Variants in USP6NL observed in about 807,000 individuals in gnomAD.
The protein encoded by USP6NL is USP6 N-terminal-like protein.
A neutral mutation model predicts 61.9 loss-of-function variants in USP6NL; 26 were observed. The ratio of observed to expected loss-of-function variants is 0.42; its 90% confidence interval spans 0.31 to 0.58. The LOEUF (loss-of-function observed/expected upper bound fraction) is 0.58, where lower values mean the gene tolerates loss of function less well. Among genes scored for constraint, USP6NL ranks in the 20% least tolerant of loss-of-function variants. USP6NL has a pLI of 0.16. For synonymous variants in USP6NL, 432 were observed against 390.1 expected, an observed-to-expected ratio of 1.11 and a Z score of -1.27; for missense variants, 1,114 against 1,034.3, an observed-to-expected ratio of 1.08 and a Z score of -1.06.
intron 14 of USP6NL, among the ~76,000 whole-genome samples, chr10:11,473,165 G>T (rs1323932447): frequency 1.3e-5 from 2 of 152,162 alleles, no homozygotes; most frequent in Non-Finnish European, 2.9e-5. Flanking sequence ...ACTGCCTCAG[G>T]CTAACCTTTT....
chr10:11,509,887 G>C (rs1408279584), intron 5 of USP6NL, among the ~76,000 whole-genome samples: 3 of 152,006 alleles, frequency 2.0e-5, no homozygotes, highest in Admixed American at 6.5e-5. Flanking sequence ...CTCTCTCTAG[G>C]TAAAAAGATA....
intron 2 of USP6NL, among the ~76,000 whole-genome samples, chr10:11,555,797 T>C (rs1176173324): frequency 6.6e-6 from 1 of 152,058 alleles, no homozygotes; most frequent in Admixed American, 6.5e-5. Context: ...TGGGCAGCAA[T>C]AAGATCAACT....
Position 11,494,405 on chromosome 10 carries a change from T to G in USP6NL, c.385-1177A>C, listed in dbSNP as rs563469501. ...GCTCTCAGACATCTTCAACAATTCA[T>G]TTGTCAACTTCTTCATCTTCCCTTC... On this transcript the variant is annotated intron_variant, in intron 7 of 14. Coordinates refer to ENST00000609104, the MANE Select transcript of USP6NL (RefSeq NM_014688.5). Among the ~76,000 whole-genome samples, 53 of 152,318 alleles carry G rather than the reference T, an allele frequency of 3.5e-4. 1 individual carries two copies. In the South Asian group the frequency reaches 0.011, roughly 30 times the overall value.
Position 11,518,637 on chromosome 10 carries a change from T to C in USP6NL, c.156-63A>G. On this transcript the variant is annotated intron_variant, in intron 4 of 14. Transcript: ENST00000609104. The surrounding 1 kb of genome is among the most constrained non-coding windows in gnomAD (Gnocchi z 5.3). ...ATCAAAACAAACTTTTAAAAGCTTA[T>C]ATACTTATAGATACATATGACATAC... 3.2e-6 allele frequency: 4 copies of C among 1,260,180 alleles called. No homozygotes were observed. The East Asian group carries it at 7.0e-5, about 22-fold the overall frequency. 78.1% of individuals were successfully genotyped at this position (1,260,180 alleles called of 1,614,324 possible).
At chr10:11,530,994 C>CT (rs1274679931) in intron 2 of USP6NL, among the ~76,000 whole-genome samples, 1 of 152,252 alleles carries the variant, frequency 6.6e-6, no homozygotes, top group Non-Finnish European at 1.5e-5. Context: ...TGTCTTGTGT[C>CT]TGTGTGCACA....
At position 11,470,279 on chromosome 10, in the gene USP6NL, G is replaced by A. The variant is rs547360577; in HGVS notation, c.1079-6430C>T. Reference sequence around the variant, plus strand: ...CCGCAGGGAACCTCATGGAGGGCCCGCGGGGACTCGCTGGCTTTTCACAGC... The same window carrying A: ...CCGCAGGGAACCTCATGGAGGGCCCACGGGGACTCGCTGGCTTTTCACAGC... On this transcript the variant is annotated intron_variant, in intron 14 of 14. Transcript: ENST00000609104. This position sits in a 1 kb window ranked among gnomAD's most constrained non-coding sequence, Gnocchi z 5.4. Among the ~76,000 whole-genome samples, 11 of 152,300 alleles carry A rather than the reference G, an allele frequency of 7.2e-5. No individual in the cohort carries two copies. The highest frequency in any genetic ancestry group is 1.9e-4 in the East Asian group (1 of 5,186).
At chr10:11,579,605 G>A (rs1384004963) in intron 2 of USP6NL, among the ~76,000 whole-genome samples, 1 of 152,092 alleles carries the variant, frequency 6.6e-6, no homozygotes, top group Admixed American at 6.6e-5. Context: ...TCTCCTTAAA[G>A]AGGTCTTCCC....
rs566529685 is a variant in USP6NL, at chr10:11,482,759, G to A, written c.926-837C>T. Among the ~76,000 whole-genome samples the A allele has an allele frequency of 4.0e-5, 6 of 151,776 alleles. No homozygotes were observed. The highest frequency in any genetic ancestry group is 1.9e-4 in the East Asian group (1 of 5,170). On this transcript the variant is annotated intron_variant, in intron 13 of 14. Transcript: ENST00000609104. The surrounding 1 kb of genome is among the most constrained non-coding windows in gnomAD (Gnocchi z 4.0). ...TGTGTGATGAACCTCCAGTAACAAC[G>A]TATTTTTAAGACAATCAGTAAGAAA...
chr10:11,539,928 TTAAG>T (rs1266406062), intron 2 of USP6NL, among the ~76,000 whole-genome samples: 2 of 152,242 alleles, frequency 1.3e-5, no homozygotes, highest in Non-Finnish European at 2.9e-5. Context: ...CGTGGAAATG[TTAAG>T]TAATTCAGGC....
rs1336383342 is a variant in USP6NL, at chr10:11,611,013, A to T, written c.-84+430T>A. 3.3e-5 allele frequency among the ~76,000 whole-genome samples: 5 copies of T among 151,948 alleles called. No individual in the cohort carries two copies. The highest frequency in any genetic ancestry group is 3.3e-4 in the Admixed American group (5 of 15,254). On this transcript the variant is annotated intron_variant, in intron 1 of 14. Coordinates refer to ENST00000609104, the MANE Select transcript of USP6NL (RefSeq NM_014688.5). This position sits in a 1 kb window ranked among gnomAD's most constrained non-coding sequence, Gnocchi z 5.3. The stretch of plus-strand genomic sequence containing the variant: ...CCCATCCTCCCCTCGCCTGGTCCAA[A>T]CAAAGTTCCGCGGCATCAAGGCAGT...
chr10:11,555,433 A>AAAAAAAAAAAATATATATATAT (rs1275798295), intron 2 of USP6NL, among the ~76,000 whole-genome samples: 1 of 49,030 alleles, frequency 2.0e-5, no homozygotes, highest in African/African-American at 9.4e-5. Flanking sequence ...AAAAAAAAAA[A>AAAAAAAAAAAATATATATATAT]ATATATATAT....
At chr10:11,473,580 A>C (rs1213998474) in intron 14 of USP6NL, among the ~76,000 whole-genome samples, 1 of 152,198 alleles carries the variant, frequency 6.6e-6, no homozygotes, top group African/African-American at 2.4e-5. Flanking sequence ...GTGCCTTGAA[A>C]GAGCAGGCCG....
intron 10 of USP6NL, among the ~76,000 whole-genome samples, 157 bp from the exon 11 acceptor site, chr10:11,486,068 T>C (rs926935364): frequency 1.3e-5 from 2 of 151,870 alleles, no homozygotes; most frequent in African/African-American, 4.8e-5. Flanking sequence ...AAAAACTGTA[T>C]ATAAGCTTTG....
rs750458806 is a variant in USP6NL, at chr10:11,591,957, C to T, written c.4+5674G>A. Among the ~76,000 whole-genome samples, 2 of 152,154 alleles carry T rather than the reference C, an allele frequency of 1.3e-5. No individual in the cohort carries two copies. The highest frequency in any genetic ancestry group is 2.4e-5 in the African/African-American group (1 of 41,436). The stretch of plus-strand genomic sequence containing the variant: ...CAATCTCAGCTCACTGCAACCTCCA[C>T]CTCCTGGGTTCAAGCAATTCTCCTG... On this transcript the variant is annotated intron_variant, in intron 2 of 14. Transcript: ENST00000609104. This position sits in a 1 kb window ranked among gnomAD's most constrained non-coding sequence, Gnocchi z 4.7.
Position 11,495,426 on chromosome 10 carries a change from G to A in USP6NL, c.385-2198C>T, listed in dbSNP as rs965334326. Among the ~76,000 whole-genome samples, 1 of 152,008 alleles carries A rather than the reference G, an allele frequency of 6.6e-6. No homozygotes were observed. Among genetic ancestry groups the A allele is most frequent in the African/African-American group, 2.4e-5 (1 of 41,392 alleles). On this transcript the variant is annotated intron_variant, in intron 7 of 14. Coordinates refer to ENST00000609104, the MANE Select transcript of USP6NL (RefSeq NM_014688.5). This position sits in a 1 kb window ranked among gnomAD's most constrained non-coding sequence, Gnocchi z 4.6. ...TGCCTCAGCACCTGGATGGCTTGCC[G>A]CCCACACCCTCCCTCCATTCCCATT...
rs913571225 is a variant in USP6NL, at chr10:11,513,480, T to A, written c.196-3805A>T. Among the ~76,000 whole-genome samples, 7 of 152,262 alleles carry A rather than the reference T, an allele frequency of 4.6e-5. No individual in the cohort carries two copies. Among genetic ancestry groups the A allele is most frequent in the African/African-American group, 1.7e-4 (7 of 41,474 alleles). On this transcript the variant is annotated intron_variant, in intron 5 of 14. Coordinates refer to ENST00000609104, the MANE Select transcript of USP6NL (RefSeq NM_014688.5). The surrounding 1 kb of genome is among the most constrained non-coding windows in gnomAD (Gnocchi z 4.7). The stretch of plus-strand genomic sequence containing the variant: ...AACATCTTAGTTCTCTCAATTTGTA[T>A]TTTGAAATATTTCAAACCTACAGAA...
At chr10:11,554,859 G>A (rs1836619874) in intron 2 of USP6NL, among the ~76,000 whole-genome samples, 1 of 149,974 alleles carries the variant, frequency 6.7e-6, no homozygotes. Flanking sequence ...GAGTGCAGTG[G>A]TGCGATCTCC....
chr10:11,536,207 T>C (rs1039053710), intron 2 of USP6NL, among the ~76,000 whole-genome samples: 38 of 152,226 alleles, frequency 2.5e-4, no homozygotes, highest in African/African-American at 8.9e-4. Flanking sequence ...TAAGCCACCC[T>C]ACCACTGGTG....
At chr10:11,484,927 C>A in intron 13 of USP6NL, 44 bp downstream of exon 13, 2 of 1,426,622 alleles carry the variant, frequency 1.4e-6, no homozygotes, top group Non-Finnish European at 1.9e-6. Flanking sequence ...GTTAAATAAG[C>A]CTCAATTTTT....
Sources: allele counts gnomAD v4.1 joint callset (sites outside exome capture counted in the v4.1 genomes callset), GRCh38; gene constraint gnomAD v4.1.1; non-coding constraint Gnocchi (gnomAD v3.1); transcripts MANE v1.5; gene names NCBI Gene and HGNC (gene_info 2026-07-23, HGNC 2026-07-21).